SMIM35: variants seen among roughly 807,000 people sequenced by gnomAD.
SMIM35 encodes TMPRSS4 antisense RNA 1 (non-protein coding).
intron 4 of SMIM35, among the ~76,000 whole-genome samples, chr11:118,011,175 G>A (rs1169054118): frequency 6.6e-6 from 1 of 152,170 alleles, no homozygotes; most frequent in Non-Finnish European, 1.5e-5. Flanking sequence ...TTCTGCTCCC[G>A]AGGATGGGAA....
intron 1 of SMIM35, chr11:118,025,948 T>C: frequency 3.2e-6 from 1 of 313,290 alleles, no homozygotes; most frequent in Non-Finnish European, 6.0e-6. Context: ...AGTCTTTAAT[T>C]TATCTTGAGT....
chr11:118,009,616 T>A (rs1431437453), intron 4 of SMIM35, among the ~76,000 whole-genome samples: 1 of 151,968 alleles, frequency 6.6e-6, no homozygotes, highest in Non-Finnish European at 1.5e-5. Flanking sequence ...AACTGCCATC[T>A]CCTAAATTAG....
chr11:118,019,219 G>C (rs1167711588), intron 1 of SMIM35, among the ~76,000 whole-genome samples: 1 of 152,156 alleles, frequency 6.6e-6, no homozygotes, highest in Non-Finnish European at 1.5e-5. Flanking sequence ...TGGAATAATA[G>C]GGACCAGGTT....
At chr11:118,048,928 G>A (rs926619150) in intron 1 of SMIM35, among the ~76,000 whole-genome samples, 4 of 77,772 alleles carry the variant, frequency 5.1e-5, no homozygotes, top group African/African-American at 2.1e-4. Context: ...CATGCCTATC[G>A]CCTAGGCTGA....
chr11:118,083,780 G>T (rs1007322622), intron 1 of SMIM35, among the ~76,000 whole-genome samples: 1 of 152,082 alleles, frequency 6.6e-6, no homozygotes, highest in African/African-American at 2.4e-5. Flanking sequence ...TCTTGGCTGG[G>T]TGCAGTGGCT....
chr11:118,049,739 C>T (rs906765375), intron 1 of SMIM35, among the ~76,000 whole-genome samples: 4 of 152,088 alleles, frequency 2.6e-5, no homozygotes, highest in African/African-American at 9.7e-5. Context: ...TTTATAAATA[C>T]ATAAATATCA....
At chr11:118,064,985 C>T (rs973719163) in intron 1 of SMIM35, among the ~76,000 whole-genome samples, 4 of 152,318 alleles carry the variant, frequency 2.6e-5, no homozygotes, top group Non-Finnish European at 4.4e-5. Flanking sequence ...GGTCAAGCCC[C>T]GAGTGGGCTC....
chr11:118,049,713 A>G (rs1944178577), intron 1 of SMIM35, among the ~76,000 whole-genome samples: 1 of 152,158 alleles, frequency 6.6e-6, no homozygotes, highest in Non-Finnish European at 1.5e-5. Context: ...ATGTTTGAGT[A>G]TAAATACAAA....
At chr11:118,062,618 A>C (rs1944407897) in intron 1 of SMIM35, among the ~76,000 whole-genome samples, 1 of 152,142 alleles carries the variant, frequency 6.6e-6, no homozygotes, top group Non-Finnish European at 1.5e-5. Flanking sequence ...ACCCAGGACA[A>C]GGGCTTCATC....
intron 1 of SMIM35, chr11:118,025,941 C>T: frequency 6.3e-6 from 2 of 317,296 alleles, no homozygotes; most frequent in Non-Finnish European, 1.2e-5. Flanking sequence ...ACATTTAAGT[C>T]TTTAATTTAT....
At chr11:118,019,580 A>C (rs11216692) in intron 1 of SMIM35, among the ~76,000 whole-genome samples, 1 of 152,106 alleles carries the variant, frequency 6.6e-6, no homozygotes, top group East Asian at 1.9e-4. Context: ...GTTTGCCTAT[A>C]GTGTCTTTTT....
intron 1 of SMIM35, among the ~76,000 whole-genome samples, chr11:118,070,729 G>T (rs559453138): frequency 1.3e-5 from 2 of 148,524 alleles, no homozygotes; most frequent in Non-Finnish European, 3.0e-5. Flanking sequence ...TGAACAGGAT[G>T]TTCACTGAGA....
intron 1 of SMIM35, among the ~76,000 whole-genome samples, chr11:118,032,162 T>C (rs2058325349): frequency 6.6e-6 from 1 of 152,134 alleles, no homozygotes; most frequent in South Asian, 2.1e-4. Flanking sequence ...TGAAGCAGAA[T>C]AAAAAGACAT....
At chr11:118,035,500 G>T (rs1341322915) in intron 1 of SMIM35, among the ~76,000 whole-genome samples, 1 of 152,192 alleles carries the variant, frequency 6.6e-6, no homozygotes, top group Non-Finnish European at 1.5e-5. Flanking sequence ...ATAATCGGTT[G>T]CTCAAAAACG....
chr11:118,035,532 G>A (rs1456043686), intron 1 of SMIM35, among the ~76,000 whole-genome samples: 1 of 152,188 alleles, frequency 6.6e-6, no homozygotes, highest in Non-Finnish European at 1.5e-5. Context: ...AAAAAGTACA[G>A]GGGGTCCAGG....
intron 1 of SMIM35, among the ~76,000 whole-genome samples, chr11:118,052,916 C>T (rs1320249984): frequency 6.6e-6 from 1 of 152,188 alleles, no homozygotes; most frequent in African/African-American, 2.4e-5. Flanking sequence ...CACAAATACC[C>T]CACAGGGGAC....
At position 118,025,730 on chromosome 11, in the gene SMIM35, C is replaced by G. The variant is rs1161187272; in HGVS notation, c.8-9921G>C. The G allele has an allele frequency of 6.6e-6, 3 of 454,284 alleles. No individual in the cohort carries two copies. The Admixed American group carries it at 7.1e-5, about 11-fold the overall frequency. The allele number at this position is 454,284 out of a possible 1,614,324, so 28.1% of individuals were successfully genotyped here. A position where few individuals can be genotyped will look rare whatever the true frequency, so the allele number is the denominator to read the frequency against. Reference sequence around the variant, plus strand: ...TGCATAGTTTGTGAATATTTTCTCCCATTCTATAGGTTGTCTGTTTGTTCT... The same window carrying G: ...TGCATAGTTTGTGAATATTTTCTCCGATTCTATAGGTTGTCTGTTTGTTCT... On this transcript the variant is annotated intron_variant, in intron 1 of 4. Transcript: ENST00000689828.
At chr11:118,020,060 C>T (rs1210900947) in intron 1 of SMIM35, among the ~76,000 whole-genome samples, 2 of 152,150 alleles carry the variant, frequency 1.3e-5, no homozygotes, top group African/African-American at 2.4e-5. Flanking sequence ...GTCAGGAGTT[C>T]AAGACGACCA....
intron 4 of SMIM35, among the ~76,000 whole-genome samples, chr11:118,007,046 TAC>T (rs921148381): frequency 2.6e-5 from 4 of 151,878 alleles, no homozygotes; most frequent in South Asian, 4.2e-4. Context: ...GTGTAGTACA[TAC>T]ACACACACAC....
Sources: allele counts gnomAD v4.1 joint callset (sites outside exome capture counted in the v4.1 genomes callset), GRCh38; gene constraint gnomAD v4.1.1; transcripts MANE v1.5; gene names NCBI Gene and HGNC (gene_info 2026-07-23, HGNC 2026-07-21).